Variants in NBPF20 observed in about 807,000 individuals in gnomAD.
NBPF20 encodes NBPF member 20, also known as NBPF family member NBPF20.
NBPF20 carries 90 observed loss-of-function variants against 68.1 expected under a neutral mutation model. The observed-to-expected ratio is 1.32, with a 90% CI of 1.11 to 1.58. NBPF20 has a LOEUF of 1.58. Ranked by LOEUF, NBPF20 falls within the 40% of genes most tolerant of loss-of-function variation. NBPF20 has a pLI of 0.00. For missense variants in NBPF20, 816 were observed against 601.2 expected (o/e 1.36, Z -3.74); for synonymous variants, 290 against 228.1 (o/e 1.27, Z -2.45).
At chr1:145,393,171 A>C in exon 10 of NBPF20, 3 of 609,494 alleles carry the variant, frequency 4.9e-6, no homozygotes, top group South Asian at 1.9e-5. Context: ...GACAACCTGA[A>C]GGAGTTGAAT....
chr1:145,395,043 T>A, exon 8 of NBPF20: 1 of 1,611,586 alleles, frequency 6.2e-7, no homozygotes, highest in East Asian at 2.2e-5. Context: ...GCTGTAAGAC[T>A]GGTACGAGGC....
intron 8 of NBPF20, among the ~76,000 whole-genome samples, chr1:145,394,169 C>T (rs1237883087): frequency 6.6e-6 from 1 of 152,162 alleles, no homozygotes; most frequent in Admixed American, 6.6e-5. Flanking sequence ...TCCCTATGTG[C>T]TCTGTCCTAG....
In NBPF20 at chr1:145,291,846, A is replaced by G. The variant is rs1420003912; in HGVS notation, c.16698-77T>C. 2.5e-6 allele frequency: 4 copies of G among 1,610,750 alleles called. No homozygotes were observed. In the African/African-American group the frequency reaches 5.4e-5, roughly 22 times the overall value. On this transcript the variant is annotated intron_variant, in intron 137 of 137. Coordinates refer to ENST00000369373, the Ensembl canonical transcript of NBPF20. The stretch of plus-strand genomic sequence containing the variant: ...AGAGCCCCACTAGATTTCAGAAGTC[A>G]CATAAGGAAGTGGTTAGAAAAGAAA...
the NBPF20 span, among the ~76,000 whole-genome samples, chr1:145,424,880 C>A: frequency 6.6e-6 from 1 of 152,186 alleles, no homozygotes; most frequent in South Asian, 2.1e-4. Flanking sequence ...TTGGTACACC[C>A]GGCTTGCCCA....
intron 7 of NBPF20, among the ~76,000 whole-genome samples, 169 bp from the exon 13 acceptor site, chr1:145,395,310 G>A (rs1422609271): frequency 1.3e-5 from 2 of 149,002 alleles, no homozygotes; most frequent in Non-Finnish European, 2.9e-5. Flanking sequence ...GGTGGAGGGT[G>A]ACTGCTCTGG....
At chr1:145,394,489 G>A (rs1430296233) in intron 8 of NBPF20, among the ~76,000 whole-genome samples, 1 of 152,106 alleles carries the variant, frequency 6.6e-6, no homozygotes, top group African/African-American at 2.4e-5. Flanking sequence ...GAACTTAGAA[G>A]ACACAGAAAA....
chr1:145,424,709 A>AAGAC, the NBPF20 span, among the ~76,000 whole-genome samples: 1 of 152,142 alleles, frequency 6.6e-6, no homozygotes, highest in South Asian at 2.1e-4. Flanking sequence ...ACAAGCCAGA[A>AAGAC]AGACAGACAG....
chr1:145,411,453 G>A, the NBPF20 span, among the ~76,000 whole-genome samples: 4 of 104,360 alleles, frequency 3.8e-5, no homozygotes, highest in Non-Finnish European at 5.6e-5. Context: ...GTGCAGTGAT[G>A]CGATCTCGGC....
At chr1:145,291,627 G>C (rs782649901) in exon 138 of NBPF20, 30 of 1,611,852 alleles carry the variant, frequency 1.9e-5, no homozygotes, top group Middle Eastern at 2.2e-4. Context: ...CTGATGTGCT[G>C]TTCCTCAAAT....
chr1:145,295,210 C>A lies in NBPF20; in HGVS notation c.16191-256G>T, dbSNP rs1211368911. On this transcript the variant is annotated intron_variant, in intron 133 of 137. Coordinates refer to ENST00000369373, the Ensembl canonical transcript of NBPF20. ...GAGAAAGTAAGCTCAGCGAGTTGGC[C>A]GGGTGACACACTGATGAAGGGGTCA... 46 of 624,798 alleles carry A rather than the reference C, an allele frequency of 7.4e-5. No homozygotes were observed. The African/African-American group carries it at 8.9e-4, about 12-fold the overall frequency. 38.7% of individuals were successfully genotyped at this position (624,798 alleles called of 1,614,324 possible).
At chr1:145,393,484 C>CAA in intron 9 of NBPF20, among the ~76,000 whole-genome samples, 1 of 150,190 alleles carries the variant, frequency 6.7e-6, no homozygotes, top group African/African-American at 2.4e-5. Flanking sequence ...CACACACACA[C>CAA]ACACACAGAG....
chr1:145,411,359 T>C, the NBPF20 span, among the ~76,000 whole-genome samples: 1 of 151,004 alleles, frequency 6.6e-6, no homozygotes. Flanking sequence ...ACTGGCCTAC[T>C]GGCCTTACAT....
chr1:145,312,340 A>G, exon 112 of NBPF20: 1 of 79,984 alleles, frequency 1.3e-5, no homozygotes, highest in Non-Finnish European at 2.0e-5. Flanking sequence ...GAGTCCTGCA[A>G]GACTTCAGGC....
At chr1:145,413,646 C>A in the NBPF20 span, among the ~76,000 whole-genome samples, 1 of 144,814 alleles carries the variant, frequency 6.9e-6, no homozygotes, top group Non-Finnish European at 1.5e-5. Flanking sequence ...GGGTCAGTCC[C>A]AGGCTGTGGA....
In NBPF20 at chr1:145,393,169, G is replaced by T; in HGVS notation, c.1121C>A (p.Ser374Ter). The T allele has an allele frequency of 1.6e-6, 1 of 608,686 alleles. No homozygotes were observed. The highest frequency in any genetic ancestry group is 3.0e-5 in the Admixed American group (1 of 33,128). The allele number at this position is 608,686 out of a possible 1,614,324, so 37.7% of individuals were successfully genotyped here. A position where few individuals can be genotyped will look rare whatever the true frequency, so the allele number is the denominator to read the frequency against. Residue 374 changes from serine (S) to a stop codon, truncating the protein, a stop_gained, in exon 10 of 138, where the codon TCA (serine) becomes TAA (stop). Transcript: ENST00000369373. LOFTEE classifies it high-confidence loss of function. ...TGAGTCAGTCAGTTCAAGACAACCTGAAGGAGTTGAATAACATCTATCCAG... is the reference window on the plus strand; with the variant it reads ...TGAGTCAGTCAGTTCAAGACAACCTTAAGGAGTTGAATAACATCTATCCAG...
At position 145,393,373 on chromosome 1, in the gene NBPF20, A is replaced by C. The variant is rs1366583980; in HGVS notation, c.1044-127T>G. On this transcript the variant is annotated intron_variant, in intron 9 of 137. Coordinates refer to ENST00000369373, the Ensembl canonical transcript of NBPF20. ...AAAGGACAGATCCATTAATGAGGTA[A>C]GAAATTATTGCCTTTATGTTGGGAT... The C allele has an allele frequency of 4.2e-6, 3 of 712,538 alleles. No individual in the cohort carries two copies. The Admixed American group carries it at 6.0e-5, about 14-fold the overall frequency. The allele number at this position is 712,538 out of a possible 1,614,324, so 44.1% of individuals were successfully genotyped here. A position where few individuals can be genotyped will look rare whatever the true frequency, so the allele number is the denominator to read the frequency against.
intron 6 of NBPF20, among the ~76,000 whole-genome samples, 170 bp downstream of exon 11, chr1:145,400,219 C>T (rs1662453294): frequency 6.6e-6 from 1 of 152,144 alleles, no homozygotes; most frequent in Admixed American, 6.5e-5. Context: ...TGGGGACTGG[C>T]AGACAAAGTC....
chr1:145,397,387 A>G (rs1325272039), intron 7 of NBPF20, among the ~76,000 whole-genome samples: 14 of 152,228 alleles, frequency 9.2e-5, no homozygotes, highest in South Asian at 2.1e-4. Context: ...TCCCACCAAC[A>G]GTGTAAAAGT....
At chr1:145,408,805 T>C (rs1662904048), upstream of NBPF20, among the ~76,000 whole-genome samples, 3 of 152,068 alleles carry the variant, frequency 2.0e-5, no homozygotes. Context: ...ATTGCATGTA[T>C]TGTTAAGCAT....
Sources: allele counts gnomAD v4.1 joint callset (sites outside exome capture counted in the v4.1 genomes callset), GRCh38; gene constraint gnomAD v4.1.1; transcripts MANE v1.5; gene names NCBI Gene and HGNC (gene_info 2026-07-23, HGNC 2026-07-21).